The following SRGAP3 variants were observed in gnomAD, a reference collection of about 807,000 sequenced individuals.
SRGAP3 encodes SLIT-ROBO Rho GTPase-activating protein 3.
SRGAP3 carries 39 observed loss-of-function variants against 121.1 expected under a neutral mutation model. The observed-to-expected ratio is 0.32, with a 90% CI of 0.25 to 0.42. The LOEUF is 0.42. SRGAP3 is among the 10% of genes least tolerant of loss of function. SRGAP3 has a pLI of 1.00. For synonymous variants in SRGAP3, 601 were observed against 570.0 expected (o/e 1.05, Z -0.77); for missense variants, 1,213 against 1,470.6 (o/e 0.82, Z 2.86).
At chr3:9,172,737 A>T (rs1231585584) in intron 1 of SRGAP3, among the ~76,000 whole-genome samples, 1 of 152,204 alleles carries the variant, frequency 6.6e-6, no homozygotes, top group African/African-American at 2.4e-5. Context: ...ATACAACGTC[A>T]TAGGATCAAA....
At chr3:9,180,086 G>C (rs1951325206) in intron 1 of SRGAP3, among the ~76,000 whole-genome samples, 1 of 152,260 alleles carries the variant, frequency 6.6e-6, no homozygotes, top group African/African-American at 2.4e-5. Flanking sequence ...GAATTGAACA[G>C]CACTCCAAGA....
At chr3:9,180,577 C>A (rs928371570) in intron 1 of SRGAP3, among the ~76,000 whole-genome samples, 1 of 152,174 alleles carries the variant, frequency 6.6e-6, no homozygotes, top group Non-Finnish European at 1.5e-5. Flanking sequence ...TTCACCAAAG[C>A]AACTGGAGTG....
At chr3:9,248,032 T>C (rs1953884673) in intron 1 of SRGAP3, among the ~76,000 whole-genome samples, 1 of 152,256 alleles carries the variant, frequency 6.6e-6, no homozygotes, top group Admixed American at 6.5e-5. Context: ...AGCGTGGATT[T>C]AGGGAGCGGC....
At chr3:9,306,170 C>G (rs9877466) in intron 3 of SRGAP3, among the ~76,000 whole-genome samples, 1 of 152,086 alleles carries the variant, frequency 6.6e-6, no homozygotes, top group Non-Finnish European at 1.5e-5. Flanking sequence ...CCAGTGATGA[C>G]GAGCATTTTT....
chr3:9,352,533 C>G (rs577171394), intron 1 of SRGAP3, among the ~76,000 whole-genome samples: 1 of 152,308 alleles, frequency 6.6e-6, no homozygotes, highest in South Asian at 2.1e-4. Flanking sequence ...CTCGGCCTCC[C>G]AAAGTGCTGG....
At chr3:9,091,215 C>T (rs1283238465) in intron 3 of SRGAP3, among the ~76,000 whole-genome samples, 1 of 152,028 alleles carries the variant, frequency 6.6e-6, no homozygotes, top group Non-Finnish European at 1.5e-5. Context: ...CGTGCTGGGC[C>T]TCTCTTCTCC....
intron 1 of SRGAP3, among the ~76,000 whole-genome samples, chr3:9,224,330 G>A (rs1243193820): frequency 6.6e-6 from 1 of 152,168 alleles, no homozygotes; most frequent in Non-Finnish European, 1.5e-5. Context: ...ATTTACAAGT[G>A]GTGTGGAAAA....
intron 3 of SRGAP3, among the ~76,000 whole-genome samples, chr3:9,100,482 C>T (rs1026482604): frequency 6.6e-6 from 1 of 152,200 alleles, no homozygotes; most frequent in Non-Finnish European, 1.5e-5. Flanking sequence ...ACAAAACAGC[C>T]TTTTCCCACA....
chr3:9,079,915 A>G, intron 4 of SRGAP3, 110 bp downstream of exon 4: 2 of 1,150,744 alleles, frequency 1.7e-6, no homozygotes, highest in Admixed American at 2.0e-5. Context: ...CATAAAACGC[A>G]GCAAAAAAGG....
At chr3:9,162,697 G>A (rs913624983) in intron 1 of SRGAP3, among the ~76,000 whole-genome samples, 1 of 152,236 alleles carries the variant, frequency 6.6e-6, no homozygotes, top group South Asian at 2.1e-4. Flanking sequence ...GGTGGGCAAG[G>A]CTAAGGAGCA....
upstream of SRGAP3, among the ~76,000 whole-genome samples, chr3:9,252,156 G>A (rs1028591130): frequency 1.3e-5 from 2 of 152,070 alleles, no homozygotes; most frequent in Non-Finnish European, 2.9e-5. Context: ...CTGGGACCTC[G>A]CTCCTCTTCC....
At chr3:9,280,097 CG>C (rs1479232086) in intron 3 of SRGAP3, among the ~76,000 whole-genome samples, 4 of 152,172 alleles carry the variant, frequency 2.6e-5, no homozygotes, top group Non-Finnish European at 5.9e-5. Context: ...TTAAGGAAGA[CG>C]GATGAAAAGC....
chr3:9,142,829 C>CTTTT (rs397795766), intron 1 of SRGAP3, among the ~76,000 whole-genome samples: 965 of 90,772 alleles, frequency 0.011, 97 homozygotes, highest in African/African-American at 0.039. Context: ...GGGCAATTTC[C>CTTTT]TTTTTTTTTT....
chr3:9,308,697 G>A (rs751180341), intron 3 of SRGAP3, among the ~76,000 whole-genome samples: 7 of 152,178 alleles, frequency 4.6e-5, no homozygotes, highest in African/African-American at 1.7e-4. Flanking sequence ...ATGACACCAA[G>A]TATTTCTATA....
At chr3:9,312,670 C>A (rs1343446137) in intron 3 of SRGAP3, among the ~76,000 whole-genome samples, 1 of 152,150 alleles carries the variant, frequency 6.6e-6, no homozygotes, top group Admixed American at 6.5e-5. Flanking sequence ...CCATCCTCAG[C>A]TGAGTAGCCA....
chr3:9,025,462 G>A, intron 13 of SRGAP3, 124 bp from the exon 14 acceptor site: 3 of 1,112,590 alleles, frequency 2.7e-6, no homozygotes, highest in East Asian at 4.9e-5. Flanking sequence ...CTTTATAACA[G>A]AGTCGTTCCC....
intron 2 of SRGAP3, among the ~76,000 whole-genome samples, chr3:9,329,103 C>A (rs567033890): frequency 6.6e-6 from 1 of 152,268 alleles, no homozygotes; most frequent in African/African-American, 2.4e-5. Context: ...ACGTTTTATC[C>A]TAAGGTACTC....
At chr3:9,292,333 G>A (rs921901179) in intron 3 of SRGAP3, among the ~76,000 whole-genome samples, 5 of 152,140 alleles carry the variant, frequency 3.3e-5, no homozygotes, top group East Asian at 1.9e-4. Flanking sequence ...GAGACCACAC[G>A]TTGAGAACCA....
intron 1 of SRGAP3, among the ~76,000 whole-genome samples, chr3:9,143,487 G>A (rs771896981): frequency 6.6e-6 from 1 of 152,164 alleles, no homozygotes; most frequent in Non-Finnish European, 1.5e-5. Context: ...GAAACAAATG[G>A]ATAAAATGCC....
Sources: allele counts gnomAD v4.1 joint callset (sites outside exome capture counted in the v4.1 genomes callset), GRCh38; gene constraint gnomAD v4.1.1; transcripts MANE v1.5; gene names NCBI Gene and HGNC (gene_info 2026-07-23, HGNC 2026-07-21).